ESCO1: variants seen among roughly 807,000 people sequenced by gnomAD.
The protein encoded by ESCO1 is establishment of sister chromatid cohesion N-acetyltransferase 1.
A neutral mutation model predicts 83.5 loss-of-function variants in ESCO1; 33 were observed. The observed-to-expected ratio is 0.40, with a 90% CI of 0.30 to 0.53. ESCO1 has a LOEUF of 0.53. Ranked by LOEUF, ESCO1 falls within the 20% of genes least tolerant of loss-of-function variation. The probability of loss-of-function intolerance (pLI) is 0.63; values close to 1 mark genes in which losing one functional copy is unlikely to be tolerated. For missense variants in ESCO1, 855 were observed against 968.0 expected (o/e 0.88, Z 1.55); for synonymous variants, 332 against 324.3 (o/e 1.02, Z -0.25).
intron 1 of ESCO1, chr18:21,592,931 G>C (rs941439395): frequency 1.7e-5 from 3 of 172,180 alleles, no homozygotes; most frequent in African/African-American, 7.2e-5. Flanking sequence ...GCTGGGAAGA[G>C]GCGCTCCTCA....
chr18:21,590,923 G>C (rs1304728885), intron 1 of ESCO1, among the ~76,000 whole-genome samples: 1 of 150,164 alleles, frequency 6.7e-6, no homozygotes, highest in Non-Finnish European at 1.5e-5. Flanking sequence ...CCAGCCTCAC[G>C]ACAGAGCGAG....
chr18:21,582,805 T>C (rs9946270), intron 2 of ESCO1, among the ~76,000 whole-genome samples: 3,196 of 152,352 alleles, frequency 0.021, 120 homozygotes, highest in African/African-American at 0.073. Context: ...TCTTGGTAAA[T>C]GTTTGTGTCA....
intron 1 of ESCO1, among the ~76,000 whole-genome samples, chr18:21,595,837 G>A (rs565799004): frequency 9.9e-5 from 15 of 151,588 alleles, no homozygotes; most frequent in African/African-American, 3.4e-4. Context: ...GGTGGCGGGC[G>A]CCTGTACTCC....
chr18:21,574,007 A>G lies in ESCO1; in HGVS notation c.837T>C (p.Ser279=), dbSNP rs779913942. The change falls in exon 4 of 12, where the codon AGT becomes AGC. Residue 279 remains serine (S), a synonymous_variant. Coordinates refer to ENST00000269214, the MANE Select transcript of ESCO1 (RefSeq NM_052911.3). ...QVNTNTTLPK[S]PQPSVPEQSD... is the part of the protein sequence containing the mutation. The stretch of plus-strand genomic sequence containing the variant: ...TTTGTTCAGGCACTGATGGCTGTGG[A>G]CTTTTTGGGAGTGTTGTGTTAGTAT... 1 of 1,613,430 alleles carries G rather than the reference A, an allele frequency of 6.2e-7. No individual in the cohort carries two copies. The highest frequency in any genetic ancestry group is 2.2e-5 in the East Asian group (1 of 44,842).
In ESCO1 at chr18:21,543,280, G is replaced by A. The variant is rs551406682; in HGVS notation, c.1954-3271C>T. 2.0e-4 allele frequency among the ~76,000 whole-genome samples: 30 copies of A among 152,162 alleles called. 1 individual carries two copies. The highest frequency in any genetic ancestry group is 1.7e-3 in the East Asian group (9 of 5,180). On this transcript the variant is annotated intron_variant, in intron 8 of 11. Transcript: ENST00000269214. ...AGCAATTCTCCTGCCTCAGCCTCCCGAGTAGTTGGGATCACAGGCATGTGC... is the reference window on the plus strand; with the variant it reads ...AGCAATTCTCCTGCCTCAGCCTCCCAAGTAGTTGGGATCACAGGCATGTGC...
rs115360840 is a variant in ESCO1 at position 21,551,930 on chromosome 18, G to A, written c.1953+8929C>T. ...AAAAGAAAAGAGAAAGCACTCATGG[G>A]TAAGGGAAAGGATACTATCTACTTC... is the stretch of plus-strand genomic sequence containing the variant. On this transcript the variant is annotated intron_variant, in intron 8 of 11. Transcript: ENST00000269214. Among the ~76,000 whole-genome samples, 624 of 152,274 alleles carry A rather than the reference G, an allele frequency of 4.1e-3. 7 individuals carry two copies. The highest frequency in any genetic ancestry group is 0.014 in the African/African-American group (576 of 41,572).
chr18:21,569,947 T>C (rs757659318), intron 4 of ESCO1, among the ~76,000 whole-genome samples: 52 of 152,214 alleles, frequency 3.4e-4, no homozygotes, highest in Middle Eastern at 3.2e-3. Flanking sequence ...CCATGTTCTA[T>C]GGTCCTAGCA....
chr18:21,585,950 G>A (rs969642865), intron 1 of ESCO1, among the ~76,000 whole-genome samples: 19 of 152,114 alleles, frequency 1.2e-4, no homozygotes, highest in African/African-American at 4.6e-4. Context: ...GGGTACATGT[G>A]ACATTTTGAT....
At chr18:21,567,229 C>A (rs1348988193) in intron 5 of ESCO1, among the ~76,000 whole-genome samples, 1 of 152,110 alleles carries the variant, frequency 6.6e-6, no homozygotes, top group Non-Finnish European at 1.5e-5. Flanking sequence ...GTGGTGCAAT[C>A]TTGGCTCATC....
chr18:21,530,928 A>G (rs1205710209), intron 11 of ESCO1, among the ~76,000 whole-genome samples: 2 of 152,238 alleles, frequency 1.3e-5, no homozygotes, highest in Non-Finnish European at 2.9e-5. Context: ...CCAGATTGGA[A>G]AGAAAGAAAT....
At chr18:21,548,823 C>T (rs1448093071) in intron 8 of ESCO1, among the ~76,000 whole-genome samples, 27 of 151,730 alleles carry the variant, frequency 1.8e-4, no homozygotes, top group Non-Finnish European at 1.5e-5. Flanking sequence ...GCTTGTAGTC[C>T]CAGCTACTTG....
At chr18:21,547,527 G>A (rs536668106) in intron 8 of ESCO1, among the ~76,000 whole-genome samples, 1 of 152,168 alleles carries the variant, frequency 6.6e-6, no homozygotes, top group South Asian at 2.1e-4. Context: ...GTATACAAAT[G>A]TCTTTAATAC....
intron 4 of ESCO1, among the ~76,000 whole-genome samples, chr18:21,571,013 T>C (rs2038333527): frequency 6.6e-6 from 1 of 151,980 alleles, no homozygotes; most frequent in South Asian, 2.1e-4. Flanking sequence ...CATCTACACC[T>C]GTAATGTACC....
intron 10 of ESCO1, among the ~76,000 whole-genome samples, chr18:21,534,494 G>A (rs781325644): frequency 7.9e-5 from 12 of 152,104 alleles, no homozygotes; most frequent in Admixed American, 1.3e-4. Context: ...GAATGGTCTC[G>A]GCAGTTTCTA....
At chr18:21,599,996 T>C (rs905235442) in intron 1 of ESCO1, among the ~76,000 whole-genome samples, 1 of 152,188 alleles carries the variant, frequency 6.6e-6, no homozygotes, top group Non-Finnish European at 1.5e-5. Context: ...CCGCCCTACC[T>C]GTGCCGAGAC....
intron 10 of ESCO1, among the ~76,000 whole-genome samples, chr18:21,535,743 C>T (rs1436724938): frequency 6.6e-6 from 1 of 152,206 alleles, no homozygotes; most frequent in East Asian, 1.9e-4. Flanking sequence ...GTCTCAAACT[C>T]CTGACTTCAT....
intron 2 of ESCO1, among the ~76,000 whole-genome samples, chr18:21,583,334 T>C (rs1294340562): frequency 1.3e-5 from 2 of 150,286 alleles, no homozygotes; most frequent in Non-Finnish European, 3.0e-5. Context: ...ACAAAGGCAC[T>C]AATAAAAAAA....
At chr18:21,546,846 T>C (rs961666732) in intron 8 of ESCO1, among the ~76,000 whole-genome samples, 4 of 152,190 alleles carry the variant, frequency 2.6e-5, no homozygotes, top group African/African-American at 9.6e-5. Flanking sequence ...CGTGCCTGGC[T>C]GGTTTAGGTT....
At position 21,595,297 on chromosome 18, in the gene ESCO1, C is replaced by A. The variant is rs187414621; in HGVS notation, c.-825+5326G>T. On this transcript the variant is annotated intron_variant, in intron 1 of 11. Transcript: ENST00000269214. ...CTGTGTTACAAAGAATAATACTTGG[C>A]CGGGCATGGTGAGCCGAGATCACGC... Among the ~76,000 whole-genome samples the A allele has an allele frequency of 1.9e-3, 275 of 148,624 alleles. 1 individual carries two copies. The highest frequency in any genetic ancestry group is 1.9e-3 in the Non-Finnish European group (129 of 67,666).
Sources: allele counts gnomAD v4.1 joint callset (sites outside exome capture counted in the v4.1 genomes callset), GRCh38; gene constraint gnomAD v4.1.1; transcripts MANE v1.5; gene names NCBI Gene and HGNC (gene_info 2026-07-23, HGNC 2026-07-21).